CRMP1: variants seen among roughly 807,000 people sequenced by gnomAD.
The protein encoded by CRMP1 is dihydropyrimidinase-related protein 1.
A neutral mutation model predicts 68.3 loss-of-function variants in CRMP1; 19 were observed. That is an observed-to-expected ratio of 0.28 (90% CI 0.19 to 0.41). The LOEUF is 0.41. CRMP1 is among the 10% of genes least tolerant of loss of function. CRMP1 has a pLI of 1.00. For missense variants in CRMP1, 791 were observed against 967.4 expected (o/e 0.82, Z 2.42); for synonymous variants, 439 against 399.6 (o/e 1.10, Z -1.18).
intron 6 of CRMP1, among the ~76,000 whole-genome samples, chr4:5,844,408 AGGAG>A (rs1242550714): frequency 1.3e-5 from 2 of 152,082 alleles, no homozygotes; most frequent in African/African-American, 4.8e-5. Flanking sequence ...GAAGAAAGCC[AGGAG>A]GGAGGGAGAA....
At position 5,890,457 on chromosome 4, in the gene CRMP1, GC is replaced by G. The variant is rs1715891516; in HGVS notation, c.381+2131del. 6.6e-6 allele frequency among the ~76,000 whole-genome samples: 1 copy of G among 152,206 alleles called. No individual in the cohort carries two copies. Among genetic ancestry groups the G allele is most frequent in the Non-Finnish European group, 1.5e-5 (1 of 68,012 alleles). On this transcript the variant is annotated intron_variant, in intron 1 of 13. Transcript: ENST00000324989. The surrounding 1 kb of genome is among the most constrained non-coding windows in gnomAD (Gnocchi z 5.5). ...GAAGGGCCGGGGCACCCGTTGCGAA[GC>G]CCTGGAGCGGTGAGGCCCGCCCCGG...
Position 5,866,319 on chromosome 4 carries a change from C to T in CRMP1, c.470+349G>A, listed in dbSNP as rs2152469941. Among the ~76,000 whole-genome samples the T allele has an allele frequency of 6.6e-6, 1 of 152,332 alleles. No individual in the cohort carries two copies. The highest frequency in any genetic ancestry group is 2.4e-5 in the African/African-American group (1 of 41,576). Reference sequence around the variant, plus strand: ...TCAGGGTGGAATCCGGGCCTTGACCCTAACTCACCCCGTCATATGGGGCCA... The same window carrying T: ...TCAGGGTGGAATCCGGGCCTTGACCTTAACTCACCCCGTCATATGGGGCCA... On this transcript the variant is annotated intron_variant, in intron 2 of 13. Transcript: ENST00000324989. This position sits in a 1 kb window ranked among gnomAD's most constrained non-coding sequence, Gnocchi z 5.9.
rs1305868270 is a variant in CRMP1, at chr4:5,889,764, T to C, written c.381+2825A>G. 39 of 1,533,450 alleles carry C rather than the reference T, an allele frequency of 2.5e-5. No individual in the cohort carries two copies. Among genetic ancestry groups the C allele is most frequent in the Non-Finnish European group, 3.2e-5 (37 of 1,145,090 alleles). 95.0% of individuals were successfully genotyped at this position (1,533,450 alleles called of 1,614,324 possible). A position where few individuals can be genotyped will look rare whatever the true frequency, so the allele number is the denominator to read the frequency against. On this transcript the variant is annotated intron_variant, in intron 1 of 13. Transcript: ENST00000324989. The surrounding 1 kb of genome is among the most constrained non-coding windows in gnomAD (Gnocchi z 4.5). ...GCTTGGTACAGCTCCCCCAGCACTG[T>C]GGTTGGGGGCTGGGGCCCTGACCTT...
rs564002492 is a variant in CRMP1, at chr4:5,855,786, CA to C, written c.820+356del. 4.2e-3 allele frequency among the ~76,000 whole-genome samples: 637 copies of C among 152,274 alleles called. 3 individuals are homozygous for C. The highest frequency in any genetic ancestry group is 0.015 in the African/African-American group (618 of 41,548). On this transcript the variant is annotated intron_variant, in intron 4 of 13. Coordinates refer to ENST00000324989, the MANE Select transcript of CRMP1 (RefSeq NM_001014809.3). The surrounding 1 kb of genome is among the most constrained non-coding windows in gnomAD (Gnocchi z 4.9). ...GAGGAGAAAGGGCATTCATTCCTGG[CA>C]GGGGATCCACATGAGCAAGGGCCTC...
intron 9 of CRMP1, among the ~76,000 whole-genome samples, 167 bp from the exon 10 acceptor site, chr4:5,837,073 G>C (rs937156298): frequency 6.6e-6 from 1 of 152,206 alleles, no homozygotes; most frequent in Non-Finnish European, 1.5e-5. Context: ...ACAAGTCAGG[G>C]ATGCCCCATT....
chr4:5,873,615 G>A (rs994178184), intron 1 of CRMP1, among the ~76,000 whole-genome samples: 1 of 152,092 alleles, frequency 6.6e-6, no homozygotes, highest in African/African-American at 2.4e-5. Flanking sequence ...ACTATCACAA[G>A]AACAGCACCA....
In CRMP1 at chr4:5,821,790, A is replaced by G. The variant is rs543989909; in HGVS notation, c.2031T>C (p.Gly677=). ...RTGHRIVAPP[G]GRSNITSLG ...CGAGGCTGGTGATGTTGGAGCGGCCACCAGGGGGCGCCACGATGCGGTGGC... is the reference window on the plus strand; with the variant it reads ...CGAGGCTGGTGATGTTGGAGCGGCCGCCAGGGGGCGCCACGATGCGGTGGC... Residue 677 remains glycine (G), a synonymous_variant, in exon 14 of 14, where the codon GGT becomes GGC. Transcript: ENST00000324989. This position sits in a 1 kb window ranked among gnomAD's most constrained non-coding sequence, Gnocchi z 4.4. 2.2e-5 allele frequency: 35 copies of G among 1,611,454 alleles called. No homozygotes were observed. Among genetic ancestry groups the G allele is most frequent in the Non-Finnish European group, 3.0e-5 (35 of 1,179,054 alleles).
At chr4:5,880,883 G>C (rs545120828) in intron 1 of CRMP1, among the ~76,000 whole-genome samples, 1 of 152,218 alleles carries the variant, frequency 6.6e-6, no homozygotes. Flanking sequence ...CACTCACACA[G>C]TGTGGCATCC....
At chr4:5,876,654 T>C (rs1235646502) in intron 1 of CRMP1, among the ~76,000 whole-genome samples, 3 of 152,152 alleles carry the variant, frequency 2.0e-5, no homozygotes, top group Non-Finnish European at 4.4e-5. Flanking sequence ...TTTGAAAGTT[T>C]TTAGTCCTTT....
Position 5,870,399 on chromosome 4 carries a change from C to T in CRMP1, c.382-3643G>A, listed in dbSNP as rs932551909. 3.3e-5 allele frequency among the ~76,000 whole-genome samples: 5 copies of T among 152,266 alleles called. No individual in the cohort carries two copies. Among genetic ancestry groups the T allele is most frequent in the Non-Finnish European group, 5.9e-5 (4 of 68,048 alleles). On this transcript the variant is annotated intron_variant, in intron 1 of 13. Coordinates refer to ENST00000324989, the MANE Select transcript of CRMP1 (RefSeq NM_001014809.3). This position sits in a 1 kb window ranked among gnomAD's most constrained non-coding sequence, Gnocchi z 6.0. ...TTGGTGTGTTACCCCACTGGCAGTG[C>T]AGGACACAACTCCCCAGGGGACGCA...
chr4:5,887,289 G>C (rs996000822), intron 1 of CRMP1: 1 of 926,834 alleles, frequency 1.1e-6, no homozygotes, highest in African/African-American at 1.8e-5. Context: ...TTGCATAAAT[G>C]AGCAGGCTGG....
chr4:5,827,713 ACATACACACATGTGCGCGTG>A (rs1433153417), intron 12 of CRMP1, among the ~76,000 whole-genome samples: 1 of 146,894 alleles, frequency 6.8e-6, no homozygotes, highest in African/African-American at 2.7e-5. Flanking sequence ...ACACGCATAG[ACATACACACATGTGCGCGTG>A]CACACACACA....
rs1720063827 is a variant in CRMP1 at position 5,828,660 on chromosome 4, C to T, written c.1632G>A (p.Glu544=). The T allele has an allele frequency of 6.2e-7, 1 of 1,613,468 alleles. No homozygotes were observed. The part of the protein sequence containing the change: ...ITAKSHKSAV[E]YNIFEGMECH... ...ACTCCATACCCTCGAAGATGTTGTA[C>T]TCCACCGCCTGCACCAACAGCCTCA... Residue 544 remains glutamate, a synonymous_variant, in exon 12 of 14, where the codon GAG becomes GAA. Coordinates refer to ENST00000324989, the MANE Select transcript of CRMP1 (RefSeq NM_001014809.3).
Position 5,839,615 on chromosome 4 carries a change from C to G in CRMP1, c.1217G>C (p.Ser406Thr), listed in dbSNP as rs939261116. Residue 406 changes from serine to threonine, a missense_variant, in exon 9 of 14, where the codon AGC becomes ACC. This residue lies in a region of CRMP1 where 594 missense variants were observed against 763.6 expected (regional missense o/e 0.78). Transcript: ENST00000324989. ...CGCCGCAGCCTTGGCCCAGTTCTTG[C>G]TCCAGTAATGGGTGCCATCGGTCCC... ...SLGTDGTHYW[S>T]KNWAKAAAFV... 3.7e-6 allele frequency: 6 copies of G among 1,613,108 alleles called. No individual in the cohort carries two copies. In the East Asian group the frequency reaches 1.1e-4, roughly 30 times the overall value.
chr4:5,856,879 C>A (rs796131592), intron 3 of CRMP1, among the ~76,000 whole-genome samples: 1 of 3,322 alleles, frequency 3.0e-4, no homozygotes, highest in Non-Finnish European at 1.1e-3. Flanking sequence ...ACCATCACCA[C>A]CACCACCACC....
At chr4:5,826,670 A>G (rs563475611) in intron 12 of CRMP1, 1 of 152,430 alleles carries the variant, frequency 6.6e-6, no homozygotes, top group South Asian at 2.1e-4. Flanking sequence ...GCACTGGAGA[A>G]CAGCATGTGT....
Position 5,841,496 on chromosome 4 carries a change from T to C in CRMP1, c.1033-68A>G. On this transcript the variant is annotated intron_variant, in intron 7 of 13. Transcript: ENST00000324989. The surrounding 1 kb of genome is among the most constrained non-coding windows in gnomAD (Gnocchi z 6.9). ...TAACAGCTACCACCCATCTCCATTT[T>C]CCTTAATTGAATGTGATCAGAAGGG... 5 of 1,595,854 alleles carry C rather than the reference T, an allele frequency of 3.1e-6. No homozygotes were observed. The highest frequency in any genetic ancestry group is 4.3e-6 in the Non-Finnish European group (5 of 1,168,460).
chr4:5,835,590 C>T (rs1228088766), intron 11 of CRMP1, among the ~76,000 whole-genome samples: 1 of 152,216 alleles, frequency 6.6e-6, no homozygotes, highest in Non-Finnish European at 1.5e-5. Context: ...AGATCTAATA[C>T]TTTCCCTCGC....
In CRMP1 at chr4:5,891,523, T is replaced by G. The variant is rs528368432; in HGVS notation, c.381+1066A>C. Among the ~76,000 whole-genome samples, 1 of 152,342 alleles carries G rather than the reference T, an allele frequency of 6.6e-6. No homozygotes were observed. Among genetic ancestry groups the G allele is most frequent in the African/African-American group, 2.4e-5 (1 of 41,584 alleles). On this transcript the variant is annotated intron_variant, in intron 1 of 13. Transcript: ENST00000324989. This position sits in a 1 kb window ranked among gnomAD's most constrained non-coding sequence, Gnocchi z 5.2. The stretch of plus-strand genomic sequence containing the variant: ...CACTACCGACCGGCATTAACTGATT[T>G]AATTCTCACAATGAATCCGTCGCTC...
Sources: gnomAD v4.1 joint callset for allele counts (sites outside exome capture counted in the v4.1 genomes callset) on GRCh38, gnomAD v4.1.1 for gene constraint, gnomAD v4.1.1 regional missense constraint, Gnocchi (gnomAD v3.1) non-coding constraint, MANE v1.5 for transcripts, NCBI Gene and HGNC (gene_info 2026-07-23, HGNC 2026-07-21) for gene names.